The following SH3BP5L variants were observed in gnomAD, a reference collection of about 807,000 sequenced individuals.
SH3BP5L encodes the protein SH3 binding domain protein 5 like.
A neutral mutation model predicts 40.9 loss-of-function variants in SH3BP5L; 16 were observed. The ratio of observed to expected loss-of-function variants is 0.39; its 90% CI spans 0.27 to 0.59. The LOEUF is 0.59. SH3BP5L is among the 20% of genes least tolerant of loss of function. SH3BP5L has a pLI of 0.53. For synonymous variants in SH3BP5L, 229 were observed against 226.7 expected (o/e 1.01, Z -0.09); for missense variants, 471 against 544.6 (o/e 0.86, Z 1.35).
intron 2 of SH3BP5L, among the ~76,000 whole-genome samples, chr1:248,819,050 C>T (rs1052258223): frequency 6.6e-6 from 1 of 152,216 alleles, no homozygotes; most frequent in African/African-American, 2.4e-5. Flanking sequence ...GTCAGGCTGA[C>T]ATGCACAATC....
intron 2 of SH3BP5L, among the ~76,000 whole-genome samples, chr1:248,823,095 T>G (rs546978375): frequency 1.4e-4 from 21 of 152,154 alleles, no homozygotes; most frequent in Admixed American, 8.5e-4. Context: ...ATGCAGACAC[T>G]GGAAAAATAC....
In SH3BP5L at chr1:248,810,532, C is replaced by G. The variant is rs925920884; in HGVS notation, c.*1368G>C. 3.3e-5 allele frequency: 5 copies of G among 152,438 alleles called. No homozygotes were observed. Among genetic ancestry groups the G allele is most frequent in the African/African-American group, 1.2e-4 (5 of 41,388 alleles). The allele number at this position is 152,438 out of a possible 1,614,324, so 9.4% of individuals were successfully genotyped here. ...CACCAGCACATGCACACACGCACACCCACACCCTCCCTCCCTTTCGGCTGT... is the reference window on the plus strand; with the variant it reads ...CACCAGCACATGCACACACGCACACGCACACCCTCCCTCCCTTTCGGCTGT... On this transcript the variant is annotated 3_prime_UTR_variant, in exon 7 of 7. Coordinates refer to ENST00000366472, the MANE Select transcript of SH3BP5L (RefSeq NM_030645.3).
At chr1:248,822,963 C>T (rs891867184) in intron 2 of SH3BP5L, among the ~76,000 whole-genome samples, 4 of 152,118 alleles carry the variant, frequency 2.6e-5, no homozygotes, top group South Asian at 2.1e-4. Flanking sequence ...CATGCCTGGC[C>T]GAGGAACTGC....
chr1:248,811,827 G>A lies in SH3BP5L; in HGVS notation c.*73C>T, dbSNP rs1558225000. ...TTCGGGAAGACGAGGCCCCAGAGGA[G>A]AGGGCGTGAGAAGACTGTGGGCCCC... On this transcript the variant is annotated 3_prime_UTR_variant, in exon 7 of 7. Transcript: ENST00000366472. The A allele has an allele frequency of 1.8e-6, 2 of 1,116,640 alleles. No individual in the cohort carries two copies. Among genetic ancestry groups the A allele is most frequent in the South Asian group, 3.2e-5 (2 of 62,838 alleles). 69.2% of individuals were successfully genotyped at this position (1,116,640 alleles called of 1,614,324 possible).
Position 248,816,835 on chromosome 1 carries a change from T to C in SH3BP5L, c.233A>G (p.Glu78Gly), listed in dbSNP as rs776677382. 1.9e-6 allele frequency: 3 copies of C among 1,614,138 alleles called. No homozygotes were observed. The highest frequency in any genetic ancestry group is 2.2e-5 in the East Asian group (1 of 44,868). ...AAGGACACTCACATCCAGCTGTAGT[T>C]CCACCTGGTTGATCTCCTCGCTGGC... ...NQASEEINQV[E>G]LQLDEARTTY... Residue 78 changes from glutamate to glycine, a missense_variant, in exon 3 of 7, where the codon GAA (glutamate) becomes GGA (glycine). Transcript: ENST00000366472.
Position 248,812,067 on chromosome 1 carries a change from G to T in SH3BP5L, c.1015C>A (p.Arg339Ser). 1.2e-6 allele frequency: 2 copies of T among 1,612,892 alleles called. No homozygotes were observed. Among genetic ancestry groups the T allele is most frequent in the Non-Finnish European group, 1.7e-6 (2 of 1,179,568 alleles). Residue 339 changes from arginine (R) to serine (S), a missense_variant, in exon 7 of 7, where the codon CGC (arginine) becomes AGC (serine). Coordinates refer to ENST00000366472, the MANE Select transcript of SH3BP5L (RefSeq NM_030645.3). The surrounding 1 kb of genome is among the most constrained non-coding windows in gnomAD (Gnocchi z 6.1). The stretch of plus-strand genomic sequence containing the variant: ...TTCTGCAGGTCTGAAGCCACCGTGC[G>T]CAGGCTCAGCAGACTCAGGGTATCG... ...DTDTLSLLSL[R>S]TVASDLQKCD...
At chr1:248,814,393 T>C (rs944616501) in intron 5 of SH3BP5L, 56 bp downstream of exon 5, 297 of 1,587,206 alleles carry the variant, frequency 1.9e-4, no homozygotes, top group Non-Finnish European at 2.4e-4. Context: ...GATAAAGACA[T>C]AGCAAAGGAT....
chr1:248,823,002 T>C (rs1322611304), intron 2 of SH3BP5L, among the ~76,000 whole-genome samples: 1 of 152,214 alleles, frequency 6.6e-6, no homozygotes, highest in Non-Finnish European at 1.5e-5. Context: ...TAATTGATTG[T>C]GTTTAAATAG....
rs553135450 is a variant in SH3BP5L at position 248,823,406 on chromosome 1, C to T, written c.183+1347G>A. ...AGATGAAGAAACTGAGGCTCAGAAA[C>T]GTAAAGAAACTTCCATAAAAATCAT... On this transcript the variant is annotated intron_variant, in intron 2 of 6. Coordinates refer to ENST00000366472, the MANE Select transcript of SH3BP5L (RefSeq NM_030645.3). Among the ~76,000 whole-genome samples, 11 of 152,284 alleles carry T rather than the reference C, an allele frequency of 7.2e-5. No individual in the cohort carries two copies. In the East Asian group the frequency reaches 1.2e-3, roughly 16 times the overall value.
chr1:248,816,571 G>A lies in SH3BP5L; in HGVS notation c.338C>T (p.Ala113Val). Residue 113 changes from alanine to valine, a missense_variant, in exon 4 of 7, where the codon GCC becomes GTC. Coordinates refer to ENST00000366472, the MANE Select transcript of SH3BP5L (RefSeq NM_030645.3). ...CCGCCGAGCCTCATAGTAGGGCCGGGCTTTCTCGATGCAGCTCCCCAAGTG... is the reference window on the plus strand; with the variant it reads ...CCGCCGAGCCTCATAGTAGGGCCGGACTTTCTCGATGCAGCTCCCCAAGTG... Reference protein sequence around the residue: ...GSHLGSCIEKARPYYEARRLA... With the variant: ...GSHLGSCIEKVRPYYEARRLA... The A allele has an allele frequency of 6.2e-7, 1 of 1,614,156 alleles. No homozygotes were observed.
At chr1:248,814,961 T>A (rs1291111433) in intron 4 of SH3BP5L, 3 of 376,612 alleles carry the variant, frequency 8.0e-6, no homozygotes, top group Non-Finnish European at 1.5e-5. Context: ...AAGATGACCT[T>A]GAGACCATCA....
Position 248,825,897 on chromosome 1 carries a change from CG to C in SH3BP5L, c.-495del, listed in dbSNP as rs1483476118. 1 of 983,046 alleles carries C rather than the reference CG, an allele frequency of 1.0e-6. No individual in the cohort carries two copies. Among genetic ancestry groups the C allele is most frequent in the African/African-American group, 1.8e-5 (1 of 57,012 alleles). The allele number at this position is 983,046 out of a possible 1,614,324, so 60.9% of individuals were successfully genotyped here. A position where few individuals can be genotyped will look rare whatever the true frequency, so the allele number is the denominator to read the frequency against. ...CAAACAATCTCCCCCCCTCCCTCCC[CG>C]CAACAAGCCGATCCAACCAAAAACG... On this transcript the variant is annotated 5_prime_UTR_variant, in exon 1 of 7. Coordinates refer to ENST00000366472, the MANE Select transcript of SH3BP5L (RefSeq NM_030645.3).
At chr1:248,813,310 G>T in intron 5 of SH3BP5L, 148 bp from the exon 6 acceptor site, 3 of 748,634 alleles carry the variant, frequency 4.0e-6, no homozygotes, top group Non-Finnish European at 5.9e-6. Flanking sequence ...CCCGAGACAC[G>T]CAGGGGAACA....
rs1189253279 is a variant in SH3BP5L at position 248,824,995 on chromosome 1, G to A, written c.-60C>T. Reference sequence around the variant, plus strand: ...AGAGGACTGACATGCTGGGACCAGGGCCCCAGCTTGGGGCTTCCTGGGCTC... The same window carrying A: ...AGAGGACTGACATGCTGGGACCAGGACCCCAGCTTGGGGCTTCCTGGGCTC... On this transcript the variant is annotated 5_prime_UTR_variant, in exon 2 of 7. Transcript: ENST00000366472. 1.3e-6 allele frequency: 2 copies of A among 1,530,460 alleles called. No homozygotes were observed. The highest frequency in any genetic ancestry group is 2.3e-5 in the East Asian group (1 of 43,914). The allele number at this position is 1,530,460 out of a possible 1,614,324, so 94.8% of individuals were successfully genotyped here.
intron 2 of SH3BP5L, among the ~76,000 whole-genome samples, chr1:248,818,964 A>G (rs1306183358): frequency 4.6e-5 from 7 of 152,148 alleles, no homozygotes; most frequent in Admixed American, 3.9e-4. Context: ...TGACACCACA[A>G]TCACTTCCCA....
Position 248,811,981 on chromosome 1 carries a change from C to G in SH3BP5L, c.1101G>C (p.Glu367Asp). The G allele has an allele frequency of 1.2e-6, 2 of 1,600,862 alleles. No homozygotes were observed. Among genetic ancestry groups the G allele is most frequent in the Non-Finnish European group, 1.7e-6 (2 of 1,174,822 alleles). ...GGCGCCCTCCACTCCGCGTTCCCAG[C>G]TCTTGGCCGTCCAGACTGACGTGGT... ...LSDHVSLDGQ[E>D]LGTRSGGRRG... Residue 367 changes from glutamate to aspartate, a missense_variant, in exon 7 of 7, where the codon GAG (glutamate) becomes GAC (aspartate). Glu to Asp is a conservative substitution (Grantham distance 45). Coordinates refer to ENST00000366472, the MANE Select transcript of SH3BP5L (RefSeq NM_030645.3).
At chr1:248,813,990 C>T (rs545326237) in intron 5 of SH3BP5L, 3 of 176,808 alleles carry the variant, frequency 1.7e-5, no homozygotes, top group Admixed American at 5.6e-5. Context: ...GCAGACAGGG[C>T]CAACGGCAGA....
At chr1:248,817,682 G>C (rs752828509) in intron 2 of SH3BP5L, among the ~76,000 whole-genome samples, 1 of 152,070 alleles carries the variant, frequency 6.6e-6, no homozygotes, top group Non-Finnish European at 1.5e-5. Context: ...GTGAAACCCT[G>C]TCTCTACTAG....
Position 248,825,881 on chromosome 1 carries a change from T to TA in SH3BP5L, c.-479_-478insT. Reference sequence around the variant, plus strand: ...CGGAGCTTCTATGCTGCAAACAATCTCCCCCCCTCCCTCCCCGCAACAAGC... The same window carrying TA: ...CGGAGCTTCTATGCTGCAAACAATCTACCCCCCCTCCCTCCCCGCAACAAGC... On this transcript the variant is annotated 5_prime_UTR_variant, in exon 1 of 7. Transcript: ENST00000366472. 1 of 941,902 alleles carries TA rather than the reference T, an allele frequency of 1.1e-6. No individual in the cohort carries two copies. Among genetic ancestry groups the TA allele is most frequent in the Non-Finnish European group, 1.3e-6 (1 of 794,250 alleles). 58.3% of individuals were successfully genotyped at this position (941,902 alleles called of 1,614,324 possible).
Sources: allele counts gnomAD v4.1 joint callset (sites outside exome capture counted in the v4.1 genomes callset), GRCh38; gene constraint gnomAD v4.1.1; non-coding constraint Gnocchi (gnomAD v3.1); transcripts MANE v1.5; gene names NCBI Gene and HGNC (gene_info 2026-07-23, HGNC 2026-07-21).